The following SCAF8 variants were observed in gnomAD, a reference collection of about 807,000 sequenced individuals.
SCAF8 encodes the protein SR-related and CTD-associated factor 8.
A neutral mutation model predicts 140.5 loss-of-function variants in SCAF8; 23 were observed. The ratio of observed to expected loss-of-function variants is 0.16; its 90% CI spans 0.12 to 0.23. The LOEUF is 0.23. Ranked by LOEUF, SCAF8 falls within the 10% of genes least tolerant of loss-of-function variation. The pLI is 1.00. For synonymous variants in SCAF8, 575 were observed against 528.9 expected (o/e 1.09, Z -1.20); for missense variants, 1,397 against 1,555.7 (o/e 0.90, Z 1.72).
chr6:154,791,991 C>T (rs764756602), intron 4 of SCAF8, among the ~76,000 whole-genome samples: 1 of 151,512 alleles, frequency 6.6e-6, no homozygotes, highest in African/African-American at 2.4e-5. Context: ...CAGTGGCAAG[C>T]AGGTTTTTTA....
At chr6:154,776,247 G>A (rs1276521042) in intron 2 of SCAF8, among the ~76,000 whole-genome samples, 1 of 151,560 alleles carries the variant, frequency 6.6e-6, no homozygotes, top group Non-Finnish European at 1.5e-5. Context: ...GTCTAGACCA[G>A]TTGTTTTTCA....
chr6:154,754,502 G>A (rs899220260), intron 1 of SCAF8, among the ~76,000 whole-genome samples: 6 of 152,158 alleles, frequency 3.9e-5, no homozygotes, highest in Admixed American at 1.3e-4. Context: ...TTTTAGTTAA[G>A]TCACTTAACC....
chr6:154,791,778 C>CT (rs1026119738), intron 4 of SCAF8, among the ~76,000 whole-genome samples: 2 of 152,050 alleles, frequency 1.3e-5, no homozygotes, highest in Non-Finnish European at 2.9e-5. Context: ...ACAAAGAACT[C>CT]TGACTATTTG....
At chr6:154,815,618 T>A in intron 12 of SCAF8, 98 bp from the exon 13 acceptor site, 1 of 481,810 alleles carries the variant, frequency 2.1e-6, no homozygotes, top group Non-Finnish European at 3.8e-6. Context: ...TATCTTAAAT[T>A]TAATTATTAT....
At chr6:154,831,246 A>G in intron 19 of SCAF8, 106 bp downstream of exon 19, 10 of 654,824 alleles carry the variant, frequency 1.5e-5, no homozygotes, top group Non-Finnish European at 2.5e-5. Context: ...CAGATGCTGA[A>G]ATGTCGCACT....
intron 12 of SCAF8, among the ~76,000 whole-genome samples, chr6:154,813,205 TCAAAACAAAA>T (rs982258202): frequency 6.6e-6 from 1 of 151,842 alleles, no homozygotes; most frequent in South Asian, 2.1e-4. Flanking sequence ...AGACCCTATA[TCAAAACAAAA>T]CAAAACAAAA....
At chr6:154,778,180 A>G (rs1048755635) in intron 3 of SCAF8, 135 bp downstream of exon 3, 1 of 565,664 alleles carries the variant, frequency 1.8e-6, no homozygotes, top group Admixed American at 3.7e-5. Flanking sequence ...TTATTTTCCA[A>G]TTAAGAAATA....
intron 17 of SCAF8, chr6:154,824,962 A>G (rs1251440463): frequency 7.9e-6 from 1 of 125,810 alleles, no homozygotes; most frequent in Non-Finnish European, 1.5e-5. Flanking sequence ...AAAAAAGGTG[A>G]AAAAAAAAAA....
intron 3 of SCAF8, among the ~76,000 whole-genome samples, chr6:154,783,124 A>G (rs1166357723): frequency 1.3e-5 from 2 of 152,186 alleles, no homozygotes. Flanking sequence ...TCTACCATCC[A>G]TAGCTCTGTT....
Position 154,833,267 on chromosome 6 carries a change from G to A in SCAF8, c.3688G>A (p.Val1230Ile), listed in dbSNP as rs1778806404. 6.2e-7 allele frequency: 1 copy of A among 1,613,856 alleles called. No homozygotes were observed. Among genetic ancestry groups the A allele is most frequent in the South Asian group, 1.1e-5 (1 of 91,086 alleles). The change falls in exon 20 of 20, where the codon GTA becomes ATA. Residue 1230 changes from valine to isoleucine, a missense_variant. Transcript: ENST00000367178. Reference sequence around the variant, plus strand: ...ACATGCTCAGCCACCACCTATACCAGTACAGAATGATCCTGAACTTTATGA... The same window carrying A: ...ACATGCTCAGCCACCACCTATACCAATACAGAATGATCCTGAACTTTATGA... ...ERHAQPPPIP[V>I]QNDPELYEKL...
At chr6:154,736,457 A>G (rs568297176) in intron 1 of SCAF8, among the ~76,000 whole-genome samples, 111 of 151,732 alleles carry the variant, frequency 7.3e-4, no homozygotes, top group African/African-American at 2.6e-3. Context: ...TTTTTAGTAG[A>G]GATGGGGTTT....
chr6:154,733,559 AGGGGCTAGAGGGAG>A lies in SCAF8; in HGVS notation c.-337_-324del, dbSNP rs1361700056. The A allele has an allele frequency of 6.8e-5, 87 of 1,276,286 alleles. No homozygotes were observed. The East Asian group carries it at 2.6e-3, about 37-fold the overall frequency. The allele number at this position is 1,276,286 out of a possible 1,614,324, so 79.1% of individuals were successfully genotyped here. On this transcript the variant is annotated 5_prime_UTR_variant, in exon 1 of 20. Coordinates refer to ENST00000367178, the MANE Select transcript of SCAF8 (RefSeq NM_014892.5). The stretch of plus-strand genomic sequence containing the variant: ...AGAAGGGAGTGGAGAGTGTAGGGGA[AGGGGCTAGAGGGAG>A]GGGGACCGAAACGGAGCGGGGCAGA...
chr6:154,820,095 T>G, intron 14 of SCAF8, 82 bp from the exon 15 acceptor site: 1 of 1,113,506 alleles, frequency 9.0e-7, no homozygotes, highest in South Asian at 2.1e-5. Flanking sequence ...TTACATTGTT[T>G]AAATAAAATT....
intron 3 of SCAF8, among the ~76,000 whole-genome samples, chr6:154,786,913 G>A (rs935589650): frequency 6.6e-6 from 1 of 152,146 alleles, no homozygotes; most frequent in Non-Finnish European, 1.5e-5. Flanking sequence ...ATTTTATGTA[G>A]CAAAAATGCT....
At chr6:154,734,270 C>G (rs544630887) in intron 1 of SCAF8, among the ~76,000 whole-genome samples, 2 of 152,220 alleles carry the variant, frequency 1.3e-5, no homozygotes, top group East Asian at 3.9e-4. Context: ...GCCTGGCCCG[C>G]CCACCTCCTT....
At chr6:154,757,428 A>G (rs866983806) in intron 1 of SCAF8, among the ~76,000 whole-genome samples, 1 of 152,232 alleles carries the variant, frequency 6.6e-6, no homozygotes, top group African/African-American at 2.4e-5. Flanking sequence ...TTGGCATTCT[A>G]CTTTTTTGAG....
intron 1 of SCAF8, among the ~76,000 whole-genome samples, chr6:154,773,301 TATA>T (rs1417367170): frequency 6.6e-6 from 1 of 152,266 alleles, no homozygotes; most frequent in Non-Finnish European, 1.5e-5. Context: ...AATGGAATTA[TATA>T]ATATGCTGCC....
At chr6:154,818,893 A>G (rs902311855) in intron 14 of SCAF8, among the ~76,000 whole-genome samples, 3 of 152,196 alleles carry the variant, frequency 2.0e-5, no homozygotes, top group Non-Finnish European at 4.4e-5. Flanking sequence ...GCACCATTCT[A>G]TGAGTACAAC....
chr6:154,769,670 A>G (rs1177000246), intron 1 of SCAF8, among the ~76,000 whole-genome samples: 1 of 152,230 alleles, frequency 6.6e-6, no homozygotes, highest in Non-Finnish European at 1.5e-5. Context: ...TTGTAAATAG[A>G]AAACTAAGGT....
Sources: allele counts gnomAD v4.1 joint callset (sites outside exome capture counted in the v4.1 genomes callset), GRCh38; gene constraint gnomAD v4.1.1; transcripts MANE v1.5; gene names NCBI Gene and HGNC (gene_info 2026-07-23, HGNC 2026-07-21).